The following SAMD4B variants were observed in gnomAD, a reference collection of about 807,000 sequenced individuals.
SAMD4B encodes sterile alpha motif domain containing 4B.
Under a neutral mutation model 74.5 loss-of-function variants are expected in SAMD4B, and 5 were observed. The ratio of observed to expected loss-of-function variants is 0.07; its 90% CI spans 0.04 to 0.14. The LOEUF (loss-of-function observed/expected upper bound fraction) is 0.14. Ranked by LOEUF, SAMD4B falls within the 10% of genes least tolerant of loss-of-function variation. The pLI is 1.00. For missense variants in SAMD4B, 608 were observed against 921.8 expected, an observed-to-expected ratio of 0.66 and a Z score of 4.41; for synonymous variants, 373 against 374.9, an observed-to-expected ratio of 1.00 and a Z score of 0.06.
chr19:39,377,935 A>G (rs2077702940), intron 8 of SAMD4B, 111 bp downstream of exon 8: 2 of 1,027,360 alleles, frequency 1.9e-6, no homozygotes, highest in Non-Finnish European at 2.8e-6. Flanking sequence ...TGTAAAGCCT[A>G]CTGGAGACTG....
At chr19:39,379,937 C>T (rs758579037) in intron 9 of SAMD4B, 29 bp from the exon 10 acceptor site, 1 of 1,550,728 alleles carries the variant, frequency 6.4e-7, no homozygotes, top group Admixed American at 1.7e-5. Context: ...ATCACCCTCT[C>T]TGCTTCACCG....
chr19:39,375,701 T>C lies in SAMD4B; in HGVS notation c.719T>C (p.Ile240Thr), dbSNP rs1043922527. ...CCACTGAAGCGCTCCATGTCACTCA[T>C]CCCTACAAGCCCCCAGGTCCCTGGT... is the stretch of plus-strand genomic sequence containing the variant. ...PSPLKRSMSL[I>T]PTSPQVPGEW... The change falls in exon 5 of 14, where the codon ATC (isoleucine) becomes ACC (threonine). Residue 240 changes from isoleucine to threonine, a missense_variant. Transcript: ENST00000610417. This position sits in a 1 kb window ranked among gnomAD's most constrained non-coding sequence, Gnocchi z 4.1. 1 of 1,613,892 alleles carries C rather than the reference T, an allele frequency of 6.2e-7. No homozygotes were observed. Among genetic ancestry groups the C allele is most frequent in the Non-Finnish European group, 8.5e-7 (1 of 1,179,824 alleles).
rs1414374025 is a variant in SAMD4B at position 39,380,675 on chromosome 19, C to T, written c.1738C>T (p.Pro580Ser). 4 of 1,613,532 alleles carry T rather than the reference C, an allele frequency of 2.5e-6. No individual in the cohort carries two copies. The highest frequency in any genetic ancestry group is 3.3e-5 in the Admixed American group (2 of 59,986). The change falls in exon 11 of 14, where the codon CCC becomes TCC. Residue 580 changes from proline (P) to serine (S), a missense_variant. Pro to Ser is a moderately conservative substitution (Grantham distance 74). This residue lies in a region of SAMD4B where 167 missense variants were observed against 193.0 expected (regional missense o/e 0.87). Coordinates refer to ENST00000610417, the MANE Select transcript of SAMD4B (RefSeq NM_001384574.2). Reference sequence around the variant, plus strand: ...TACCCAGCGGCAGTTCCCAATGCCTCCCCGGGCCCTCCCACCCGGCCGGAT... The same window carrying T: ...TACCCAGCGGCAGTTCCCAATGCCTTCCCGGGCCCTCCCACCCGGCCGGAT... ...RRTQRQFPMP[P>S]RALPPGRMGL...
chr19:39,372,934 C>A (rs1406370150), intron 4 of SAMD4B, among the ~76,000 whole-genome samples: 1 of 152,080 alleles, frequency 6.6e-6, no homozygotes, highest in African/African-American at 2.4e-5. Flanking sequence ...GGGAAGAGGA[C>A]CCTGGACACT....
Position 39,343,013 on chromosome 19 carries a change from C to T in SAMD4B, c.-267+437C>T, listed in dbSNP as rs75106656. The stretch of plus-strand genomic sequence containing the variant: ...AGCAGCTTTCCTCGCAGACCCCCGC[C>T]CTTTGGCCCCGAAGCCCCCGTCCTC... On this transcript the variant is annotated intron_variant, in intron 1 of 13. Coordinates refer to ENST00000610417, the MANE Select transcript of SAMD4B (RefSeq NM_001384574.2). 6.1e-3 allele frequency among the ~76,000 whole-genome samples: 935 copies of T among 152,080 alleles called. 27 individuals carry two copies. Among genetic ancestry groups the T allele is most frequent in the East Asian group, 0.047 (240 of 5,116 alleles).
chr19:39,378,556 C>T lies in SAMD4B; in HGVS notation c.1497C>T (p.Tyr499=). The change falls in exon 9 of 14, where the codon TAC becomes TAT. Residue 499 remains tyrosine (Y), a synonymous_variant. Transcript: ENST00000610417. This position sits in a 1 kb window ranked among gnomAD's most constrained non-coding sequence, Gnocchi z 4.4. The part of the protein sequence containing the change: ...SRPDEENITS[Y]LQLIEKCLTH... ...CAGACGAGGAGAACATCACCAGTTA[C>T]CTCCAGCTCATCGAAAAGTGCCTGA... The T allele has an allele frequency of 2.5e-6, 4 of 1,614,046 alleles. No homozygotes were observed. The highest frequency in any genetic ancestry group is 3.4e-6 in the Non-Finnish European group (4 of 1,179,960).
At chr19:39,353,736 G>A (rs1055468783) in intron 1 of SAMD4B, among the ~76,000 whole-genome samples, 4 of 152,002 alleles carry the variant, frequency 2.6e-5, no homozygotes, top group Non-Finnish European at 4.4e-5. Flanking sequence ...CAAGTAGCTC[G>A]GACTACAGGC....
intron 4 of SAMD4B, among the ~76,000 whole-genome samples, chr19:39,372,400 T>A (rs974912542): frequency 8.5e-5 from 13 of 152,156 alleles, no homozygotes; most frequent in African/African-American, 2.9e-4. Context: ...CTCAGGCCTG[T>A]CTTTACCCTC....
At chr19:39,349,134 C>G (rs1257472596) in intron 1 of SAMD4B, among the ~76,000 whole-genome samples, 1 of 152,038 alleles carries the variant, frequency 6.6e-6, no homozygotes, top group Non-Finnish European at 1.5e-5. Flanking sequence ...GAAAGATAAG[C>G]AAGGCATGTG....
At chr19:39,348,823 T>C (rs1003885860) in intron 1 of SAMD4B, among the ~76,000 whole-genome samples, 3 of 152,110 alleles carry the variant, frequency 2.0e-5, no homozygotes, top group African/African-American at 4.8e-5. Context: ...GTAGTGAAGA[T>C]GTAGAGAAGC....
At chr19:39,342,683 C>A in intron 1 of SAMD4B, 107 bp downstream of exon 1, 1 of 149,124 alleles carries the variant, frequency 6.7e-6, no homozygotes, top group South Asian at 1.8e-4. Context: ...TCAGGGACCC[C>A]GAACCGCGGG....
chr19:39,375,226 A>G lies in SAMD4B; in HGVS notation c.668-424A>G, dbSNP rs1374045289. ...CATGGCCTTTTAGGCATGTGGAAGC[A>G]TTTGTATTTTGTTCCCACTATGAAA... is the stretch of plus-strand genomic sequence containing the variant. On this transcript the variant is annotated intron_variant, in intron 4 of 13. Coordinates refer to ENST00000610417, the MANE Select transcript of SAMD4B (RefSeq NM_001384574.2). This position sits in a 1 kb window ranked among gnomAD's most constrained non-coding sequence, Gnocchi z 4.1. 3.3e-5 allele frequency among the ~76,000 whole-genome samples: 5 copies of G among 152,156 alleles called. No individual in the cohort carries two copies. The highest frequency in any genetic ancestry group is 7.2e-5 in the African/African-American group (3 of 41,438).
chr19:39,388,958 G>A, downstream of SAMD4B: 1 of 1,614,062 alleles, frequency 6.2e-7, no homozygotes, highest in East Asian at 2.2e-5. Flanking sequence ...TTAAAGTCTG[G>A]GAAGACAGGC....
In SAMD4B at chr19:39,369,867, C is replaced by T. The variant is rs1453430454; in HGVS notation, c.409C>T (p.Leu137=). The part of the protein sequence containing the change: ...SYALIHPATT[L]EDRNALALWL... ...TGCCCTCATCCACCCAGCCACCACA[C>T]TGGAGGACCGCAACGCACTGGCCCT... The change falls in exon 4 of 14, where the codon CTG becomes TTG. Residue 137 remains leucine (L), a synonymous_variant. Coordinates refer to ENST00000610417, the MANE Select transcript of SAMD4B (RefSeq NM_001384574.2). 6.2e-7 allele frequency: 1 copy of T among 1,614,252 alleles called. No individual in the cohort carries two copies. The highest frequency in any genetic ancestry group is 1.3e-5 in the African/African-American group (1 of 75,066).
chr19:39,386,771 C>A (rs570755381), downstream of SAMD4B: 20 of 1,614,088 alleles, frequency 1.2e-5, no homozygotes, highest in South Asian at 2.2e-4. This position sits in a 1 kb window ranked among gnomAD's most constrained non-coding sequence, Gnocchi z 6.1. Flanking sequence ...TGAACCCCAG[C>A]CTTGGCCCGG....
intron 1 of SAMD4B, among the ~76,000 whole-genome samples, chr19:39,347,641 C>T (rs1268725499): frequency 6.6e-6 from 1 of 152,174 alleles, no homozygotes; most frequent in Non-Finnish European, 1.5e-5. Flanking sequence ...GGAGTAATGG[C>T]AATACCCTCA....
intron 11 of SAMD4B, 71 bp downstream of exon 11, chr19:39,380,856 T>G: frequency 6.6e-7 from 1 of 1,508,906 alleles, no homozygotes; most frequent in Non-Finnish European, 8.9e-7. Context: ...TCTATTTGCC[T>G]GTATACTCTG....
chr19:39,371,676 G>A lies in SAMD4B; in HGVS notation c.667+1551G>A, dbSNP rs1470919479. On this transcript the variant is annotated intron_variant, in intron 4 of 13. Coordinates refer to ENST00000610417, the MANE Select transcript of SAMD4B (RefSeq NM_001384574.2). The stretch of plus-strand genomic sequence containing the variant: ...TACTAAAAATATAAAAATTAGCTGG[G>A]TATGGTGGTGCATGCCTATAATTCC... 3.9e-5 allele frequency among the ~76,000 whole-genome samples: 6 copies of A among 152,146 alleles called. No individual in the cohort carries two copies. In the South Asian group the frequency reaches 1.0e-3, roughly 26 times the overall value.
rs141447438 is a variant in SAMD4B at position 39,365,688 on chromosome 19, A to G, written c.197-3967A>G. Among the ~76,000 whole-genome samples, 992 of 152,346 alleles carry G rather than the reference A, an allele frequency of 6.5e-3. 5 individuals are homozygous for G. Among genetic ancestry groups the G allele is most frequent in the Middle Eastern group, 0.024 (7 of 294 alleles). On this transcript the variant is annotated intron_variant, in intron 3 of 13. Transcript: ENST00000610417. ...TCACCTGCAAGATGAGCACACCAAA[A>G]CAGGATTAAAACAGGGATGAAAAGC... is the stretch of plus-strand genomic sequence containing the variant.
Sources: allele counts gnomAD v4.1 joint callset (sites outside exome capture counted in the v4.1 genomes callset), GRCh38; gene constraint gnomAD v4.1.1; regional missense constraint gnomAD v4.1.1; non-coding constraint Gnocchi (gnomAD v3.1); transcripts MANE v1.5; gene names NCBI Gene and HGNC (gene_info 2026-07-23, HGNC 2026-07-21).